Variants in KCNN2 observed in about 807,000 individuals in gnomAD.
KCNN2 encodes small conductance calcium-activated potassium channel protein 2.
Under a neutral mutation model 55.5 loss-of-function variants are expected in KCNN2, and 24 were observed. The ratio of observed to expected loss-of-function variants is 0.43; its 90% CI spans 0.31 to 0.61. The LOEUF (loss-of-function observed/expected upper bound fraction) is 0.61. Among genes scored for constraint, KCNN2 ranks in the 20% least tolerant of loss-of-function variants. The pLI is 0.08. For missense variants in KCNN2, 754 were observed against 853.6 expected (o/e 0.88, Z 1.45); for synonymous variants, 431 against 336.1 (o/e 1.28, Z -3.09).
chr5:114,342,569 C>T (rs1422042088), intron 2 of KCNN2, among the ~76,000 whole-genome samples: 2 of 151,986 alleles, frequency 1.3e-5, no homozygotes, highest in African/African-American at 2.4e-5. Flanking sequence ...AGAGTAAAGC[C>T]TTAACAAAAT....
At chr5:114,096,421 A>C (rs1341287161) in intron 1 of KCNN2, among the ~76,000 whole-genome samples, 3 of 152,158 alleles carry the variant, frequency 2.0e-5, no homozygotes, top group African/African-American at 7.2e-5. Flanking sequence ...TCTATTACAT[A>C]ATACAATTGA....
chr5:114,435,489 G>T (rs1404506643), intron 3 of KCNN2, among the ~76,000 whole-genome samples: 2 of 151,864 alleles, frequency 1.3e-5, no homozygotes, highest in Non-Finnish European at 2.9e-5. Context: ...AATGTTTCTA[G>T]ACTTCATAGT....
intron 1 of KCNN2, among the ~76,000 whole-genome samples, chr5:114,102,510 C>A (rs1359793471): frequency 6.6e-6 from 1 of 152,208 alleles, no homozygotes; most frequent in African/African-American, 2.4e-5. Flanking sequence ...AAGGCCTTGC[C>A]CATTCCTATG....
chr5:114,460,970 T>C (rs926730108), intron 3 of KCNN2, among the ~76,000 whole-genome samples: 1 of 152,212 alleles, frequency 6.6e-6, no homozygotes, highest in Non-Finnish European at 1.5e-5. Flanking sequence ...GGGTAATGTA[T>C]TTCCTGTTTT....
intron 1 of KCNN2, 66 bp downstream of exon 1, chr5:114,363,327 C>CG: frequency 6.8e-7 from 1 of 1,467,360 alleles, no homozygotes; most frequent in African/African-American, 1.4e-5. Flanking sequence ...TGGGCACTGG[C>CG]GGGGACCCTT....
intron 3 of KCNN2, among the ~76,000 whole-genome samples, chr5:114,432,810 G>A (rs1425054095): frequency 6.6e-6 from 1 of 152,214 alleles, no homozygotes; most frequent in Admixed American, 6.5e-5. Flanking sequence ...GGGCAATGAG[G>A]GGCTTAGCAC....
intron 2 of KCNN2, among the ~76,000 whole-genome samples, chr5:114,379,432 A>G (rs62381469): frequency 0.021 from 2,704 of 128,026 alleles, 51 homozygotes; most frequent in Non-Finnish European, 0.027. Flanking sequence ...AATATTATAT[A>G]ACATATTATA....
At chr5:114,119,774 G>T (rs2112594754) in intron 1 of KCNN2, among the ~76,000 whole-genome samples, 1 of 152,222 alleles carries the variant, frequency 6.6e-6, no homozygotes, top group East Asian at 1.9e-4. Flanking sequence ...AAGCTTTAGA[G>T]CTCCAAAAAG....
intron 1 of KCNN2, among the ~76,000 whole-genome samples, chr5:114,081,261 T>C (rs1455603524): frequency 6.6e-6 from 1 of 152,126 alleles, no homozygotes; most frequent in Non-Finnish European, 1.5e-5. Context: ...AAAATCCCAA[T>C]GATGTGTTTT....
chr5:114,111,577 A>G lies in KCNN2; in HGVS notation c.-271+55077A>G, dbSNP rs534344246. On this transcript the variant is annotated intron_variant, in intron 1 of 10. Transcript: ENST00000512097. ...GAATTGGAGAAAATTTTTGCAATCTATCCATCTGACAAAGGGCTAATATCC... is the reference window on the plus strand; with the variant it reads ...GAATTGGAGAAAATTTTTGCAATCTGTCCATCTGACAAAGGGCTAATATCC... Among the ~76,000 whole-genome samples, 187 of 152,342 alleles carry G rather than the reference A, an allele frequency of 1.2e-3. 1 individual carries two copies. The highest frequency in any genetic ancestry group is 1.6e-3 in the Non-Finnish European group (107 of 68,034).
chr5:114,425,430 T>A (rs1483282794), intron 3 of KCNN2, among the ~76,000 whole-genome samples: 1 of 152,192 alleles, frequency 6.6e-6, no homozygotes, highest in Admixed American at 6.5e-5. Flanking sequence ...CTGTGTCAAA[T>A]GCCAATCTGT....
At chr5:114,109,463 T>C (rs75318017) in intron 1 of KCNN2, among the ~76,000 whole-genome samples, 7,004 of 152,048 alleles carry the variant, frequency 0.046, 535 homozygotes, top group African/African-American at 0.16. Context: ...AATAACAGGA[T>C]GTAGGGATAA....
chr5:114,399,977 G>C (rs915264909), intron 2 of KCNN2, among the ~76,000 whole-genome samples: 2 of 124,728 alleles, frequency 1.6e-5, no homozygotes, highest in African/African-American at 6.3e-5. Context: ...TGTCCCCTTT[G>C]TCATTTCTGA....
intron 2 of KCNN2, among the ~76,000 whole-genome samples, chr5:114,256,580 C>T (rs759663299): frequency 6.6e-6 from 1 of 151,948 alleles, no homozygotes; most frequent in Non-Finnish European, 1.5e-5. Context: ...CTGACTGGTA[C>T]GAGATGGTAT....
At chr5:114,296,364 A>T (rs977520460) in intron 2 of KCNN2, among the ~76,000 whole-genome samples, 1 of 152,174 alleles carries the variant, frequency 6.6e-6, no homozygotes, top group Non-Finnish European at 1.5e-5. Context: ...TGGAAGGAAG[A>T]AGCTGGAATC....
intron 1 of KCNN2, among the ~76,000 whole-genome samples, chr5:114,151,135 C>G (rs536881274): frequency 6.6e-6 from 1 of 151,548 alleles, no homozygotes; most frequent in African/African-American, 2.4e-5. Flanking sequence ...TCAAATATCA[C>G]TGAGAAACTT....
chr5:114,127,234 C>T (rs1035237830), intron 1 of KCNN2, among the ~76,000 whole-genome samples: 13 of 152,114 alleles, frequency 8.5e-5, no homozygotes, highest in African/African-American at 1.2e-4. Flanking sequence ...GGGCTGGGGG[C>T]TCCGGCTCCA....
At chr5:114,465,510 G>A (rs894546137) in intron 4 of KCNN2, among the ~76,000 whole-genome samples, 7 of 152,084 alleles carry the variant, frequency 4.6e-5, no homozygotes, top group Middle Eastern at 3.2e-3. Context: ...TATTCAGGAG[G>A]CTGAGGCAGG....
chr5:114,305,334 C>T (rs1756246013), intron 2 of KCNN2, among the ~76,000 whole-genome samples: 1 of 152,180 alleles, frequency 6.6e-6, no homozygotes, highest in South Asian at 2.1e-4. Context: ...CTCTGGAATG[C>T]AGGCAGGCCA....
Sources: allele counts gnomAD v4.1 joint callset (sites outside exome capture counted in the v4.1 genomes callset), GRCh38; gene constraint gnomAD v4.1.1; transcripts MANE v1.5; gene names NCBI Gene and HGNC (gene_info 2026-07-23, HGNC 2026-07-21).